Variants in FARS2 observed in about 807,000 individuals in gnomAD.
The protein encoded by FARS2 is phenylalanyl-tRNA synthetase 2, mitochondrial.
FARS2 carries 40 observed loss-of-function variants against 46.4 expected under a neutral mutation model. The observed-to-expected ratio is 0.86, with a 90% CI of 0.67 to 1.12. The LOEUF is 1.12. Among genes scored for constraint, FARS2 ranks in the 50% most tolerant of loss-of-function variants. The pLI, the probability that FARS2 is intolerant of heterozygous loss-of-function variation, is 0.00. For synonymous variants in FARS2, 234 were observed against 214.9 expected (o/e 1.09, Z -0.78); for missense variants, 513 against 567.9 (o/e 0.90, Z 0.98).
intron 5 of FARS2, among the ~76,000 whole-genome samples, chr6:5,554,074 C>G (rs1021251233): frequency 1.3e-5 from 2 of 152,074 alleles, no homozygotes; most frequent in African/African-American, 2.4e-5. Context: ...TCTTTTTGCC[C>G]TAAATTTTTT....
At chr6:5,770,310 G>C (rs561409829) in intron 6 of FARS2, among the ~76,000 whole-genome samples, 22 of 152,296 alleles carry the variant, frequency 1.4e-4, no homozygotes, top group Middle Eastern at 3.4e-3. Context: ...GCTGGTTGAC[G>C]GCATCATAAA....
At chr6:5,559,754 G>A (rs549281363) in intron 5 of FARS2, among the ~76,000 whole-genome samples, 1 of 151,728 alleles carries the variant, frequency 6.6e-6, no homozygotes, top group South Asian at 2.1e-4. Flanking sequence ...TTTGAAAAGT[G>A]ATAGTAATTG....
At chr6:5,697,073 T>C (rs956788865) in intron 6 of FARS2, among the ~76,000 whole-genome samples, 20 of 152,340 alleles carry the variant, frequency 1.3e-4, no homozygotes, top group African/African-American at 4.8e-4. Context: ...TCCAATTCCA[T>C]GTATACGTTA....
At chr6:5,538,854 A>G (rs1770385526) in intron 4 of FARS2, among the ~76,000 whole-genome samples, 1 of 152,216 alleles carries the variant, frequency 6.6e-6, no homozygotes, top group African/African-American at 2.4e-5. Context: ...ATGAAAATTG[A>G]TTGTCACAGG....
intron 4 of FARS2, among the ~76,000 whole-genome samples, chr6:5,449,742 C>T (rs374664272): frequency 1.2e-4 from 19 of 152,278 alleles, no homozygotes; most frequent in East Asian, 9.6e-4. Flanking sequence ...ATTTAGCATT[C>T]GTAATCCGAA....
chr6:5,743,130 G>A (rs1055361346), intron 6 of FARS2, among the ~76,000 whole-genome samples: 6 of 152,182 alleles, frequency 3.9e-5, no homozygotes, highest in Non-Finnish European at 8.8e-5. Context: ...ATCCCTCCCG[G>A]CTGTCATCTC....
At chr6:5,615,245 T>G (rs371921935) in intron 6 of FARS2, among the ~76,000 whole-genome samples, 1 of 152,352 alleles carries the variant, frequency 6.6e-6, no homozygotes, top group East Asian at 1.9e-4. Flanking sequence ...TATGCATAAG[T>G]AGGCTCTCCT....
At chr6:5,526,524 TAG>T (rs1232323604) in intron 4 of FARS2, among the ~76,000 whole-genome samples, 1 of 152,206 alleles carries the variant, frequency 6.6e-6, no homozygotes, top group African/African-American at 2.4e-5. Context: ...TGACAAGAAA[TAG>T]AGCACTATTA....
At chr6:5,616,597 C>T (rs1410553157) in intron 6 of FARS2, among the ~76,000 whole-genome samples, 6 of 152,114 alleles carry the variant, frequency 3.9e-5, no homozygotes, top group Admixed American at 6.6e-5. Flanking sequence ...ATACCTTATA[C>T]GTGTATCCTG....
At chr6:5,474,661 C>CTATTTTTTTTT (rs34998565) in intron 4 of FARS2, among the ~76,000 whole-genome samples, 1 of 71,320 alleles carries the variant, frequency 1.4e-5, no homozygotes, top group Non-Finnish European at 3.1e-5. Flanking sequence ...AAATACAGTA[C>CTATTTTTTTTT]TGTTTTTTTT....
At chr6:5,294,760 T>G (rs1277336254) in intron 1 of FARS2, among the ~76,000 whole-genome samples, 1 of 152,096 alleles carries the variant, frequency 6.6e-6, no homozygotes, top group African/African-American at 2.4e-5. Flanking sequence ...GTGTGGAGCT[T>G]CCATGCCCTC....
chr6:5,554,357 C>A (rs577987914), intron 5 of FARS2, among the ~76,000 whole-genome samples: 1 of 152,280 alleles, frequency 6.6e-6, no homozygotes, highest in African/African-American at 2.4e-5. Context: ...TTGGAAGCAT[C>A]AGCAGGAGGG....
At chr6:5,663,118 A>G (rs976397385) in intron 6 of FARS2, among the ~76,000 whole-genome samples, 2 of 152,182 alleles carry the variant, frequency 1.3e-5, no homozygotes, top group Non-Finnish European at 2.9e-5. Flanking sequence ...GTTTTTCACA[A>G]TGTCTAAAAT....
Position 5,360,866 on chromosome 6 carries a change from T to A in FARS2, c.-21-7684T>A, listed in dbSNP as rs140291569. Among the ~76,000 whole-genome samples, 529 of 152,324 alleles carry A rather than the reference T, an allele frequency of 3.5e-3. 14 individuals are homozygous for A. The highest frequency in any genetic ancestry group is 0.026 in the Admixed American group (405 of 15,296). ...AATGTTCTGAATTTAGAAAAATTGATGTCAGTATTCAAGACATTTTTAGTG... is the reference window on the plus strand; with the variant it reads ...AATGTTCTGAATTTAGAAAAATTGAAGTCAGTATTCAAGACATTTTTAGTG... On this transcript the variant is annotated intron_variant, in intron 1 of 6. Coordinates refer to ENST00000274680, the MANE Select transcript of FARS2 (RefSeq NM_006567.5).
At chr6:5,484,824 T>C (rs985312926) in intron 4 of FARS2, among the ~76,000 whole-genome samples, 4 of 152,184 alleles carry the variant, frequency 2.6e-5, no homozygotes, top group Non-Finnish European at 1.5e-5. Context: ...GCTGAGAGAA[T>C]GGTATCCTTA....
At chr6:5,499,373 G>A (rs1437080916) in intron 4 of FARS2, among the ~76,000 whole-genome samples, 5 of 152,226 alleles carry the variant, frequency 3.3e-5, no homozygotes, top group Admixed American at 6.5e-5. Context: ...TTCATGAGAC[G>A]CAGACTGCAC....
intron 4 of FARS2, among the ~76,000 whole-genome samples, chr6:5,436,899 AT>A (rs1034033652): frequency 2.6e-5 from 4 of 152,130 alleles, no homozygotes; most frequent in Non-Finnish European, 5.9e-5. Context: ...ATTTTTCCCA[AT>A]TTTTTTGGGA....
intron 1 of FARS2, among the ~76,000 whole-genome samples, chr6:5,336,528 C>T (rs1043948587): frequency 2.0e-5 from 3 of 151,650 alleles, no homozygotes; most frequent in East Asian, 3.9e-4. Context: ...ATTATGGGTA[C>T]ATAGTAGGTG....
chr6:5,433,237 G>T (rs1351705027), intron 4 of FARS2, among the ~76,000 whole-genome samples: 2 of 152,172 alleles, frequency 1.3e-5, no homozygotes, highest in Non-Finnish European at 2.9e-5. Context: ...TAAGATGGGT[G>T]CAAGGATACA....
Sources: allele counts gnomAD v4.1 joint callset (sites outside exome capture counted in the v4.1 genomes callset), GRCh38; gene constraint gnomAD v4.1.1; transcripts MANE v1.5; gene names NCBI Gene and HGNC (gene_info 2026-07-23, HGNC 2026-07-21).